CCDC66: variants seen among roughly 807,000 people sequenced by gnomAD.
CCDC66 encodes the protein coiled-coil domain containing 66.
Under a neutral mutation model 128.3 loss-of-function variants are expected in CCDC66, and 133 were observed. The observed-to-expected ratio is 1.04, with a 90% confidence interval of 0.90 to 1.20. The LOEUF (loss-of-function observed/expected upper bound fraction) is 1.20, where lower values mean the gene tolerates loss of function less well. Among genes scored for constraint, CCDC66 ranks in the 50% most tolerant of loss-of-function variants. The pLI is 0.00. For synonymous variants in CCDC66, 387 were observed against 357.0 expected (o/e 1.08, Z -0.95); for missense variants, 1,126 against 1,075.5 (o/e 1.05, Z -0.66).
At position 56,618,192 on chromosome 3, in the gene CCDC66, T is replaced by C. The variant is rs762945741; in HGVS notation, c.2358T>C (p.Ile786=). 21 of 1,612,550 alleles carry C rather than the reference T, an allele frequency of 1.3e-5. No homozygotes were observed. The highest frequency in any genetic ancestry group is 1.8e-5 in the Non-Finnish European group (21 of 1,178,624). The change falls in exon 15 of 18, where the codon ATT becomes ATC. Residue 786 remains isoleucine (I), a synonymous_variant. Coordinates refer to ENST00000394672, the MANE Select transcript of CCDC66 (RefSeq NM_001141947.3). ...LVKKEEEPLN[I]HSFSKERSPS... ...TTTAGGAAGAAGAGCCTCTGAATAT[T>C]CATTCATTCAGCAAGGAAAGGTAAG...
chr3:56,601,419 T>C (rs1272775746), intron 10 of CCDC66, among the ~76,000 whole-genome samples: 1 of 152,104 alleles, frequency 6.6e-6, no homozygotes, highest in Admixed American at 6.5e-5. Flanking sequence ...TGCCTCCAGC[T>C]TTGTTCTTTT....
chr3:56,615,624 T>C (rs1459338622), intron 12 of CCDC66, among the ~76,000 whole-genome samples: 2 of 152,192 alleles, frequency 1.3e-5, no homozygotes, highest in African/African-American at 4.8e-5. Flanking sequence ...ATTTTATAAA[T>C]AGGAATGCTT....
chr3:56,576,345 T>G (rs988678982), intron 7 of CCDC66, among the ~76,000 whole-genome samples: 1 of 151,518 alleles, frequency 6.6e-6, no homozygotes, highest in Admixed American at 6.7e-5. Context: ...AAGTATTTTT[T>G]CTTTTTGATG....
chr3:56,607,855 T>C (rs2074282309), intron 10 of CCDC66, among the ~76,000 whole-genome samples: 1 of 152,258 alleles, frequency 6.6e-6, no homozygotes, highest in Non-Finnish European at 1.5e-5. Context: ...TAAAGGATGC[T>C]GGATTTTGTC....
intron 13 of CCDC66, 194 bp downstream of exon 13, chr3:56,616,247 T>C: frequency 2.1e-6 from 1 of 467,412 alleles, no homozygotes; most frequent in Non-Finnish European, 3.7e-6. Context: ...GTTTAGTCTT[T>C]TTTGGTATTC....
At chr3:56,602,349 A>T (rs2073321984) in intron 10 of CCDC66, among the ~76,000 whole-genome samples, 1 of 151,930 alleles carries the variant, frequency 6.6e-6, no homozygotes, top group Non-Finnish European at 1.5e-5. Flanking sequence ...AAGCTTTTTG[A>T]TGTGCTGCTG....
At chr3:56,612,084 C>T (rs2074915132) in intron 10 of CCDC66, among the ~76,000 whole-genome samples, 1 of 152,244 alleles carries the variant, frequency 6.6e-6, no homozygotes. Flanking sequence ...TCCTGCCTCC[C>T]ATCTGCCATG....
At chr3:56,615,889 GTGT>G (rs753974185) in intron 12 of CCDC66, 30 bp from the exon 13 acceptor site, 103 of 1,548,388 alleles carry the variant, frequency 6.7e-5, no homozygotes, top group South Asian at 2.2e-4. Flanking sequence ...TATTCCTTAA[GTGT>G]TGTTTTATCA....
At chr3:56,618,116 G>A in intron 14 of CCDC66, 56 bp from the exon 15 acceptor site, 2 of 1,317,666 alleles carry the variant, frequency 1.5e-6, no homozygotes, top group Non-Finnish European at 2.2e-6. Context: ...AAATATTTGT[G>A]GGGACATGTG....
intron 3 of CCDC66, chr3:56,561,070 A>G (rs983224741): frequency 9.4e-6 from 4 of 424,006 alleles, no homozygotes; most frequent in East Asian, 7.0e-5. Flanking sequence ...CTCTTTCTCT[A>G]TCATATAGTT....
rs1553652208 is a variant in CCDC66, at chr3:56,557,250, T to TGGGGTAAGCG, written c.11+6_11+7insGGGGGTAAGC. 1.3e-6 allele frequency: 2 copies of TGGGGTAAGCG among 1,546,964 alleles called. No homozygotes were observed. The highest frequency in any genetic ancestry group is 2.5e-5 in the East Asian group (1 of 40,702). ...AGAGTGCGAGGTCAGGCCATGAACT[T>TGGGGTAAGCG]GGGGTAAGCAGGGGTAAGCTGGGGT... On this transcript the variant is annotated stop_gained and frameshift_variant, in exon 1 of 18. Transcript: ENST00000394672. LOFTEE classifies it high-confidence loss of function.
At chr3:56,600,893 G>C (rs1296228285) in intron 10 of CCDC66, among the ~76,000 whole-genome samples, 1 of 151,928 alleles carries the variant, frequency 6.6e-6, no homozygotes, top group Non-Finnish European at 1.5e-5. Context: ...TTGTCAGATG[G>C]GTAGATTGCA....
intron 10 of CCDC66, among the ~76,000 whole-genome samples, chr3:56,610,717 C>T (rs2074677435): frequency 6.6e-6 from 1 of 152,150 alleles, no homozygotes; most frequent in Non-Finnish European, 1.5e-5. Flanking sequence ...GAGGGATTGT[C>T]TAGGGCTGAA....
At chr3:56,560,038 C>T (rs2064893480) in intron 3 of CCDC66, among the ~76,000 whole-genome samples, 1 of 152,160 alleles carries the variant, frequency 6.6e-6, no homozygotes. Flanking sequence ...AGACTTTAAA[C>T]AGAAATGTTT....
At chr3:56,568,915 A>G (rs904057394) in intron 6 of CCDC66, among the ~76,000 whole-genome samples, 1 of 152,220 alleles carries the variant, frequency 6.6e-6, no homozygotes, top group Admixed American at 6.5e-5. Context: ...AATCTGCAAA[A>G]CATGTGACGT....
At chr3:56,604,967 C>G in intron 10 of CCDC66, among the ~76,000 whole-genome samples, 1 of 152,026 alleles carries the variant, frequency 6.6e-6, no homozygotes, top group Admixed American at 6.5e-5. Flanking sequence ...TGTGTTTGTT[C>G]TTTTTCATTC....
chr3:56,572,029 A>G (rs1190167972), intron 7 of CCDC66, among the ~76,000 whole-genome samples: 1 of 152,106 alleles, frequency 6.6e-6, no homozygotes, highest in Non-Finnish European at 1.5e-5. Context: ...CTCATATGGT[A>G]TTTTAAAACA....
intron 7 of CCDC66, among the ~76,000 whole-genome samples, chr3:56,575,672 A>G (rs1178018905): frequency 6.6e-6 from 1 of 151,878 alleles, no homozygotes; most frequent in Non-Finnish European, 1.5e-5. Flanking sequence ...AAGTCTGATC[A>G]TCGGACTGTA....
chr3:56,595,712 T>C (rs964796118), intron 10 of CCDC66, among the ~76,000 whole-genome samples: 2 of 152,212 alleles, frequency 1.3e-5, no homozygotes, highest in African/African-American at 2.4e-5. Context: ...CCTTTTGATA[T>C]ACAGATTTCA....
Sources: allele counts gnomAD v4.1 joint callset (sites outside exome capture counted in the v4.1 genomes callset), GRCh38; gene constraint gnomAD v4.1.1; transcripts MANE v1.5; gene names NCBI Gene and HGNC (gene_info 2026-07-23, HGNC 2026-07-21).